The following ACOT11 variants were observed in gnomAD, a reference collection of about 807,000 sequenced individuals.
The protein encoded by ACOT11 is acyl-coenzyme A thioesterase 11.
ACOT11 carries 69 observed loss-of-function variants against 77.5 expected under a neutral mutation model. That is an observed-to-expected ratio of 0.89 (90% CI 0.73 to 1.09). The LOEUF is 1.09. Among genes scored for constraint, ACOT11 ranks in the 50% least tolerant of loss-of-function variants. The pLI is 0.00. For synonymous variants in ACOT11, 279 were observed against 313.0 expected, an observed-to-expected ratio of 0.89 and a Z score of 1.15; for missense variants, 766 against 813.7, an observed-to-expected ratio of 0.94 and a Z score of 0.71.
At chr1:54,605,807 C>T (rs138842125) in intron 13 of ACOT11, among the ~76,000 whole-genome samples, 441 of 152,262 alleles carry the variant, frequency 2.9e-3, no homozygotes, top group African/African-American at 9.8e-3. Context: ...ATCTTCTTCT[C>T]GAATTTAGTC....
chr1:54,603,847 G>T (rs775063740), intron 10 of ACOT11, 24 bp from the exon 11 acceptor site: 5 of 1,612,622 alleles, frequency 3.1e-6, no homozygotes, highest in Non-Finnish European at 4.2e-6. Flanking sequence ...GGGGACCAAG[G>T]TTGTCATCTT....
At chr1:54,561,245 T>A (rs982435810) in intron 1 of ACOT11, among the ~76,000 whole-genome samples, 1 of 121,066 alleles carries the variant, frequency 8.3e-6, no homozygotes, top group African/African-American at 3.3e-5. Flanking sequence ...CAGAGGACCC[T>A]GCGGCCTTCC....
At chr1:54,603,760 C>T in intron 10 of ACOT11, 111 bp from the exon 11 acceptor site, 1 of 1,008,036 alleles carries the variant, frequency 9.9e-7, no homozygotes, top group Non-Finnish European at 1.6e-6. Flanking sequence ...CAGGAGTCTC[C>T]CATTCTGCCG....
intron 3 of ACOT11, among the ~76,000 whole-genome samples, chr1:54,587,202 A>G (rs1654533788): frequency 6.6e-6 from 1 of 152,096 alleles, no homozygotes; most frequent in South Asian, 2.1e-4. Context: ...TTCAATTCGC[A>G]GTGAGAAGTT....
intron 1 of ACOT11, among the ~76,000 whole-genome samples, chr1:54,557,480 A>G (rs1338542484): frequency 6.6e-6 from 1 of 151,652 alleles, no homozygotes; most frequent in African/African-American, 2.4e-5. Context: ...GAGTCTTGCT[A>G]TGTTGCCCAG....
chr1:54,584,620 C>T lies in ACOT11; in HGVS notation c.34-35C>T. ...CTGGGAGACCCTGCAGCAAGCAGAC[C>T]TCTCTGTCCCCACCTGTCCCCACCT... is the stretch of plus-strand genomic sequence containing the variant. On this transcript the variant is annotated intron_variant, in intron 1 of 15. Coordinates refer to ENST00000343744, the MANE Select transcript of ACOT11 (RefSeq NM_147161.4). The surrounding 1 kb of genome is among the most constrained non-coding windows in gnomAD (Gnocchi z 6.3). The T allele has an allele frequency of 6.3e-7, 1 of 1,595,690 alleles. No individual in the cohort carries two copies. The highest frequency in any genetic ancestry group is 8.6e-7 in the Non-Finnish European group (1 of 1,167,828).
chr1:54,611,840 G>A, downstream of ACOT11: 1 of 1,485,052 alleles, frequency 6.7e-7, no homozygotes, highest in Non-Finnish European at 9.2e-7. Context: ...CTGGGCGCAG[G>A]GTAGAGCATC....
At position 54,607,741 on chromosome 1, in the gene ACOT11, C is replaced by T. The variant is rs117789492; in HGVS notation, c.1503-201C>T. On this transcript the variant is annotated intron_variant, in intron 14 of 15. Coordinates refer to ENST00000343744, the MANE Select transcript of ACOT11 (RefSeq NM_147161.4). This position sits in a 1 kb window ranked among gnomAD's most constrained non-coding sequence, Gnocchi z 4.5. ...AAGTCAGGTTGGCTCCTGGTGAATTCAGTGCTAACCCACAGGTACCTCCTC... is the reference window on the plus strand; with the variant it reads ...AAGTCAGGTTGGCTCCTGGTGAATTTAGTGCTAACCCACAGGTACCTCCTC... 4.5e-4 allele frequency among the ~76,000 whole-genome samples: 68 copies of T among 152,266 alleles called. 1 individual carries two copies. In the East Asian group the frequency reaches 0.013, roughly 29 times the overall value.
At position 54,582,152 on chromosome 1, in the gene ACOT11, G is replaced by A. The variant is rs115101261; in HGVS notation, c.34-2503G>A. Among the ~76,000 whole-genome samples, 805 of 152,294 alleles carry A rather than the reference G, an allele frequency of 5.3e-3. 10 individuals carry two copies. The highest frequency in any genetic ancestry group is 0.018 in the African/African-American group (741 of 41,560). On this transcript the variant is annotated intron_variant, in intron 1 of 15. Transcript: ENST00000343744. The stretch of plus-strand genomic sequence containing the variant: ...CAGGGTTCTAGAGCTTCCTCCCTGG[G>A]AATCTCAGCTGGGTATGCAAATCCC...
At chr1:54,600,043 G>T (rs1363673354) in intron 8 of ACOT11, among the ~76,000 whole-genome samples, 1 of 152,100 alleles carries the variant, frequency 6.6e-6, no homozygotes, top group Admixed American at 6.5e-5. Flanking sequence ...CTATAAAATG[G>T]GGCTCATCAC....
At chr1:54,555,773 C>T (rs1240011173) in intron 1 of ACOT11, among the ~76,000 whole-genome samples, 1 of 151,592 alleles carries the variant, frequency 6.6e-6, no homozygotes, top group Non-Finnish European at 1.5e-5. Context: ...GAGATGGAGT[C>T]TCACTCTGTC....
chr1:54,605,526 G>T (rs1375271107), intron 13 of ACOT11, among the ~76,000 whole-genome samples: 1 of 152,046 alleles, frequency 6.6e-6, no homozygotes, highest in Non-Finnish European at 1.5e-5. Flanking sequence ...CTTGGATGGC[G>T]GGTCATGGAT....
At chr1:54,552,568 T>G (rs1385144344) in intron 1 of ACOT11, among the ~76,000 whole-genome samples, 1 of 151,946 alleles carries the variant, frequency 6.6e-6, no homozygotes, top group African/African-American at 2.4e-5. Flanking sequence ...CTCAGCTAAC[T>G]GCAACCTCCA....
At chr1:54,611,167 CT>C, downstream of ACOT11, 2 of 476,596 alleles carry the variant, frequency 4.2e-6, no homozygotes, top group Non-Finnish European at 5.5e-6. Context: ...AGGCAGGTGG[CT>C]CATGCCTGTA....
At chr1:54,630,466 G>A (rs2101033195) in intron 15 of ACOT11, among the ~76,000 whole-genome samples, 1 of 152,318 alleles carries the variant, frequency 6.6e-6, no homozygotes, top group East Asian at 1.9e-4. Flanking sequence ...ACCCCTTAAA[G>A]GCATTCTTAA....
intron 1 of ACOT11, among the ~76,000 whole-genome samples, chr1:54,572,034 G>A (rs1185367190): frequency 6.6e-6 from 1 of 152,052 alleles, no homozygotes; most frequent in East Asian, 1.9e-4. Context: ...TTTGGCCAGG[G>A]GAGGGCAGCT....
At chr1:54,567,586 C>T (rs1254603388) in intron 1 of ACOT11, among the ~76,000 whole-genome samples, 1 of 151,966 alleles carries the variant, frequency 6.6e-6, no homozygotes, top group Non-Finnish European at 1.5e-5. Context: ...GCCTTTTTTC[C>T]CTAATTTTTA....
chr1:54,549,636 G>C (rs1011544191), intron 1 of ACOT11, among the ~76,000 whole-genome samples: 3 of 152,202 alleles, frequency 2.0e-5, no homozygotes, highest in Non-Finnish European at 4.4e-5. Context: ...TTGTGTGCTA[G>C]ACTGGCACAT....
intron 15 of ACOT11, among the ~76,000 whole-genome samples, chr1:54,616,377 T>C (rs12077215): frequency 0.011 from 1,734 of 152,238 alleles, 24 homozygotes; most frequent in African/African-American, 0.039. Flanking sequence ...TTTTGTTTTT[T>C]TTTTGAGACG....
Sources: allele counts gnomAD v4.1 joint callset (sites outside exome capture counted in the v4.1 genomes callset), GRCh38; gene constraint gnomAD v4.1.1; non-coding constraint Gnocchi (gnomAD v3.1); transcripts MANE v1.5; gene names NCBI Gene and HGNC (gene_info 2026-07-23, HGNC 2026-07-21).